DMD: variants seen among roughly 807,000 people sequenced by gnomAD.
The protein encoded by DMD is mutant dystrophin.
Under a neutral mutation model 330.1 loss-of-function variants are expected in DMD, and 63 were observed. The ratio of observed to expected loss-of-function variants is 0.19; its 90% CI spans 0.16 to 0.24. DMD has a LOEUF of 0.24. Ranked by LOEUF, DMD falls within the 10% of genes least tolerant of loss-of-function variation. The pLI is 1.00. For missense variants in DMD, 3,344 were observed against 2,684.1 expected, an observed-to-expected ratio of 1.25 and a Z score of -5.43; for synonymous variants, 1,223 against 959.8, an observed-to-expected ratio of 1.27 and a Z score of -5.07.
At chrX:33,211,804 A>G (rs1387422455), upstream of DMD, among the ~76,000 whole-genome samples, 1 of 112,572 alleles carries the variant, frequency 8.9e-6, no homozygotes. Flanking sequence ...AAAACTATTC[A>G]GTACAAAAGC....
rs766723466 is a variant in DMD, at chrX:32,565,798, C to A, written c.1896G>T (p.Lys632Asn). Residue 632 changes from lysine to asparagine, a missense_variant, in exon 16 of 79, where the codon AAG (lysine) becomes AAT (asparagine). Coordinates refer to ENST00000357033, the MANE Select transcript of DMD (RefSeq NM_004006.3). Reference protein sequence around the residue: ...SLKQDLLSTLKNKSVTQKTEA... With the variant: ...SLKQDLLSTLNNKSVTQKTEA... ...CCGTCTTCTGGGTCACTGACTTATT[C>A]TTCAGTGTTGAAAGAAGATCTTGTT... 1 of 1,210,552 alleles carries A rather than the reference C, an allele frequency of 8.3e-7. No individual in the cohort carries two copies. The highest frequency in any genetic ancestry group is 1.1e-6 in the Non-Finnish European group (1 of 894,402).
intron 1 of DMD, among the ~76,000 whole-genome samples, chrX:33,168,390 G>GGTGTTTT (rs2148689964): frequency 9.1e-6 from 1 of 110,067 alleles, no homozygotes; most frequent in African/African-American, 3.3e-5. Context: ...AGTGGGCTCA[G>GGTGTTTT]GTGTTTTGTT....
intron 9 of DMD, among the ~76,000 whole-genome samples, chrX:32,696,719 G>T (rs1264124891): frequency 9.0e-6 from 1 of 110,891 alleles, no homozygotes; most frequent in Non-Finnish European, 1.9e-5. Flanking sequence ...TTTGCTTGGT[G>T]TATGCTCCTT....
chrX:31,333,407 CTTTTTTTTTTTTTT>C (rs145925904), intron 61 of DMD, among the ~76,000 whole-genome samples: 1,150 of 39,395 alleles, frequency 0.029, 31 homozygotes, highest in African/African-American at 0.11. Context: ...CTGCCCCCGC[CTTTTTTTTTTTTTT>C]TTTTTTTTTT....
At chrX:32,754,042 C>A (rs1167650916) in intron 7 of DMD, among the ~76,000 whole-genome samples, 2 of 111,121 alleles carry the variant, frequency 1.8e-5, no homozygotes, top group African/African-American at 3.3e-5. Context: ...GAAAATTACC[C>A]CTTTGCTGAT....
In DMD at chrX:32,072,779, A is replaced by T. The variant is rs745574355; in HGVS notation, c.6439-104265T>A. On this transcript the variant is annotated intron_variant, in intron 44 of 78. Transcript: ENST00000357033. ...TTAGGTAGCCTGGGGAAAAAAAATC[A>T]CTCCAGGTACAGCATCCTTTCCTAT... Among the ~76,000 whole-genome samples, 431 of 111,182 alleles carry T rather than the reference A, an allele frequency of 3.9e-3. 1 individual carries two copies. The highest frequency in any genetic ancestry group is 6.9e-3 in the Non-Finnish European group (364 of 52,971).
At chrX:31,351,551 C>T (rs1023355149) in intron 60 of DMD, among the ~76,000 whole-genome samples, 6 of 108,520 alleles carry the variant, frequency 5.5e-5, no homozygotes, top group African/African-American at 2.0e-4. Flanking sequence ...CATGATGAAA[C>T]GCAGTCTCTA....
intron 1 of DMD, among the ~76,000 whole-genome samples, chrX:33,244,380 G>A (rs749439139): frequency 1.8e-5 from 2 of 111,624 alleles, no homozygotes; most frequent in East Asian, 2.8e-4. Context: ...ATATGATTAC[G>A]ATAAAATCTG....
In DMD at chrX:32,448,579, T is replaced by C. The variant is rs750549006; in HGVS notation, c.3663A>G (p.Val1221=). Residue 1221 remains valine (V), a synonymous_variant, in exon 27 of 79, where the codon GTA becomes GTG. Transcript: ENST00000357033. ...EAKVKLLTES[V]NSVIAQAPPV... ...GTGGAGCTTGAGCTATGACACTATT[T>C]ACAGACTCAGTAAGGAGTTTCACTT... is the stretch of plus-strand genomic sequence containing the variant. The C allele has an allele frequency of 3.1e-5, 37 of 1,207,054 alleles. No homozygotes were observed. Among genetic ancestry groups the C allele is most frequent in the Non-Finnish European group, 3.8e-5 (34 of 893,127 alleles).
In DMD at chrX:31,458,997, T is replaced by C. The variant is rs776181752; in HGVS notation, c.8938-14370A>G. Among the ~76,000 whole-genome samples, 30 of 111,929 alleles carry C rather than the reference T, an allele frequency of 2.7e-4. No homozygotes were observed. The East Asian group carries it at 6.1e-3, about 23-fold the overall frequency. ...TATTTCTTTTAACCTTATGCTTTAT[T>C]GGATGCACAAAAGTCACCCTGATAT... On this transcript the variant is annotated intron_variant, in intron 59 of 78. Transcript: ENST00000357033.
intron 61 of DMD, among the ~76,000 whole-genome samples, chrX:31,331,267 A>G (rs2057106581): frequency 9.0e-6 from 1 of 111,551 alleles, no homozygotes; most frequent in African/African-American, 3.3e-5. Context: ...TAGATTGCCA[A>G]GTCATTTAGA....
At chrX:33,098,522 C>T (rs1352785328) in intron 1 of DMD, among the ~76,000 whole-genome samples, 1 of 110,890 alleles carries the variant, frequency 9.0e-6, no homozygotes, top group Non-Finnish European at 1.9e-5. Context: ...TTAAGTAGCA[C>T]GGCACTAAAG....
chrX:32,250,608 G>A (rs951419892), intron 43 of DMD, among the ~76,000 whole-genome samples: 5 of 111,779 alleles, frequency 4.5e-5, no homozygotes, highest in Non-Finnish European at 7.5e-5. Context: ...TGGACATGAC[G>A]GAAACAGTGA....
At chrX:33,281,763 G>A (rs926117480) in intron 1 of DMD, among the ~76,000 whole-genome samples, 6 of 107,929 alleles carry the variant, frequency 5.6e-5, no homozygotes, top group African/African-American at 1.7e-4. Flanking sequence ...TTTATGGGCT[G>A]TGGTCCCAAA....
intron 29 of DMD, among the ~76,000 whole-genome samples, chrX:32,423,890 G>GGACA (rs1315822246): frequency 6.4e-5 from 7 of 110,146 alleles, no homozygotes; most frequent in Non-Finnish European, 1.3e-4. Flanking sequence ...ATTGATGGTA[G>GGACA]GACAAGAAAA....
In DMD at chrX:32,335,292, C is replaced by G. The variant is rs748256921; in HGVS notation, c.5922+6808G>C. ...TCCCTGCTGACTGTAACCTCTGTCTCCCAGTTTCAAGCAATTCTCATGCCT... is the reference window on the plus strand; with the variant it reads ...TCCCTGCTGACTGTAACCTCTGTCTGCCAGTTTCAAGCAATTCTCATGCCT... On this transcript the variant is annotated intron_variant, in intron 41 of 78. Transcript: ENST00000357033. 5.6e-5 allele frequency among the ~76,000 whole-genome samples: 6 copies of G among 108,048 alleles called. No homozygotes were observed. In the South Asian group the frequency reaches 1.6e-3, roughly 29 times the overall value. The allele number at this position is 108,048 out of a possible 115,157, so 93.8% of individuals were successfully genotyped here.
chrX:32,604,147 T>C (rs1382094421), intron 12 of DMD, among the ~76,000 whole-genome samples: 6 of 109,867 alleles, frequency 5.5e-5, no homozygotes, highest in Non-Finnish European at 7.6e-5. Flanking sequence ...AGATAATACA[T>C]GACAATAACG....
intron 1 of DMD, among the ~76,000 whole-genome samples, chrX:33,126,551 C>T (rs1323269274): frequency 1.8e-5 from 2 of 111,763 alleles, no homozygotes; most frequent in East Asian, 2.8e-4. Flanking sequence ...TCTAATCTAT[C>T]GTCTTCCAAG....
intron 55 of DMD, among the ~76,000 whole-genome samples, chrX:31,601,033 G>A (rs1335116528): frequency 9.0e-6 from 1 of 111,157 alleles, no homozygotes; most frequent in Non-Finnish European, 1.9e-5. Context: ...GACTCTGACT[G>A]ACTGAGATAT....
Sources: gnomAD v4.1 joint callset for allele counts (sites outside exome capture counted in the v4.1 genomes callset) on GRCh38, gnomAD v4.1.1 for gene constraint, MANE v1.5 for transcripts, NCBI Gene and HGNC (gene_info 2026-07-23, HGNC 2026-07-21) for gene names.